The following PSD3 variants were observed in gnomAD, a reference collection of about 807,000 sequenced individuals.
PSD3 encodes the protein PH and SEC7 domain-containing protein 3.
PSD3 carries 49 observed loss-of-function variants against 105.5 expected under a neutral mutation model. The observed-to-expected ratio is 0.46, with a 90% CI of 0.37 to 0.59. The LOEUF is 0.59. PSD3 is among the 20% of genes least tolerant of loss of function. The pLI is 0.00. For synonymous variants in PSD3, 557 were observed against 457.8 expected (o/e 1.22, Z -2.77); for missense variants, 1,561 against 1,263.8 (o/e 1.24, Z -3.57).
At chr8:18,545,602 A>G (rs1264705030) in intron 15 of PSD3, among the ~76,000 whole-genome samples, 1 of 152,220 alleles carries the variant, frequency 6.6e-6, no homozygotes, top group Non-Finnish European at 1.5e-5. Context: ...CCTAAGGATA[A>G]AAGTTTGTCA....
chr8:18,822,660 A>G (rs1388837320), intron 4 of PSD3, among the ~76,000 whole-genome samples: 1 of 152,188 alleles, frequency 6.6e-6, no homozygotes, highest in Non-Finnish European at 1.5e-5. Context: ...GCAATTCCCA[A>G]CTATCTGCCT....
chr8:18,657,250 C>G (rs1191282795), intron 9 of PSD3, among the ~76,000 whole-genome samples: 1 of 143,122 alleles, frequency 7.0e-6, no homozygotes, highest in Non-Finnish European at 1.6e-5. Context: ...TGTAAGCAAA[C>G]AATGCACACC....
chr8:18,603,615 C>A (rs992491987), intron 11 of PSD3, among the ~76,000 whole-genome samples: 1 of 152,194 alleles, frequency 6.6e-6, no homozygotes, highest in Non-Finnish European at 1.5e-5. Context: ...GTGTTTAGAT[C>A]TGTGTGCCCA....
At chr8:18,808,877 C>G in intron 4 of PSD3, 1 of 1,586,950 alleles carries the variant, frequency 6.3e-7, no homozygotes, top group African/African-American at 1.4e-5. Context: ...TGCCGAGCCT[C>G]ACAGCCTTCC....
intron 1 of PSD3, among the ~76,000 whole-genome samples, chr8:19,013,251 C>A (rs867926073): frequency 1.3e-5 from 2 of 151,606 alleles, no homozygotes; most frequent in African/African-American, 4.9e-5. Context: ...AAAGAAAGAT[C>A]GGCATACGAG....
chr8:18,528,356 C>T lies in PSD3; in HGVS notation c.*7387G>A, dbSNP rs189964220. On this transcript the variant is annotated 3_prime_UTR_variant, in exon 16 of 16. Transcript: ENST00000327040. ...CGTCCGTAGTTAGAACTCAGGGTGC[C>T]AGTTTGTTTTTTGCAAAGGTAAAAT... 14 of 152,276 alleles carry T rather than the reference C, an allele frequency of 9.2e-5. No individual in the cohort carries two copies. In the East Asian group the frequency reaches 2.3e-3, roughly 25 times the overall value. 9.4% of individuals were successfully genotyped at this position (152,276 alleles called of 1,614,324 possible).
intron 9 of PSD3, among the ~76,000 whole-genome samples, chr8:18,731,264 A>AAAAAC (rs1387788087): frequency 6.6e-6 from 1 of 152,202 alleles, no homozygotes; most frequent in East Asian, 1.9e-4. Context: ...CTCAAAAACA[A>AAAAAC]AAAACAAAAA....
chr8:18,608,686 CCT>C (rs1805040050), intron 11 of PSD3, among the ~76,000 whole-genome samples: 1 of 152,032 alleles, frequency 6.6e-6, no homozygotes, highest in African/African-American at 2.4e-5. Flanking sequence ...CAGTATCACC[CCT>C]CTTTCATAAA....
chr8:19,064,010 G>A (rs539204459), intron 1 of PSD3, among the ~76,000 whole-genome samples: 92 of 152,088 alleles, frequency 6.0e-4, no homozygotes, highest in African/African-American at 2.1e-3. Flanking sequence ...GCGTGGTGGT[G>A]CACACCTGTA....
intron 2 of PSD3, among the ~76,000 whole-genome samples, chr8:18,880,179 T>G (rs1482815190): frequency 6.6e-6 from 1 of 152,206 alleles, no homozygotes; most frequent in Non-Finnish European, 1.5e-5. Flanking sequence ...AAATTGGGAC[T>G]ATATGCTAAG....
intron 8 of PSD3, among the ~76,000 whole-genome samples, chr8:18,773,822 T>G (rs1417995345): frequency 6.6e-6 from 1 of 152,222 alleles, no homozygotes; most frequent in Non-Finnish European, 1.5e-5. Context: ...AGTGATTCTG[T>G]GGAATCTGAA....
At chr8:18,847,898 T>C (rs544301118) in intron 4 of PSD3, among the ~76,000 whole-genome samples, 2 of 152,230 alleles carry the variant, frequency 1.3e-5, no homozygotes, top group South Asian at 4.1e-4. Flanking sequence ...ATCAGCAAGA[T>C]AGGATGTGGG....
At chr8:18,715,157 A>G (rs1327989700) in intron 9 of PSD3, among the ~76,000 whole-genome samples, 2 of 152,206 alleles carry the variant, frequency 1.3e-5, no homozygotes, top group Admixed American at 6.5e-5. Flanking sequence ...AACATCAGGA[A>G]AAATAGCTAA....
At chr8:18,567,638 A>C (rs1418361398) in intron 14 of PSD3, among the ~76,000 whole-genome samples, 1 of 152,204 alleles carries the variant, frequency 6.6e-6, no homozygotes, top group Non-Finnish European at 1.5e-5. Context: ...TCTTTCCTGA[A>C]ACCACAGATT....
chr8:19,069,393 G>C (rs1829180434), intron 1 of PSD3, among the ~76,000 whole-genome samples: 1 of 152,154 alleles, frequency 6.6e-6, no homozygotes, highest in Non-Finnish European at 1.5e-5. Context: ...AAAAGGAATA[G>C]AATTGGAAGA....
At chr8:18,609,813 A>C (rs1281286107) in intron 11 of PSD3, among the ~76,000 whole-genome samples, 1 of 152,204 alleles carries the variant, frequency 6.6e-6, no homozygotes, top group Non-Finnish European at 1.5e-5. Flanking sequence ...TCTTTTACAA[A>C]ATATCCTCAG....
intron 4 of PSD3, among the ~76,000 whole-genome samples, chr8:18,856,082 T>G (rs1282598730): frequency 6.6e-6 from 1 of 152,114 alleles, no homozygotes; most frequent in Non-Finnish European, 1.5e-5. Flanking sequence ...CCTTCTGCCA[T>G]AGTTCAGCTC....
At chr8:18,786,375 G>C (rs1320354691) in intron 8 of PSD3, among the ~76,000 whole-genome samples, 1 of 152,138 alleles carries the variant, frequency 6.6e-6, no homozygotes, top group African/African-American at 2.4e-5. Flanking sequence ...AGTAATAATT[G>C]TCATAATTCA....
At chr8:18,873,894 C>G (rs1002911703) in intron 2 of PSD3, among the ~76,000 whole-genome samples, 1 of 152,166 alleles carries the variant, frequency 6.6e-6, no homozygotes, top group Non-Finnish European at 1.5e-5. Flanking sequence ...TATATATTCA[C>G]TATATTGAAC....
Sources: allele counts gnomAD v4.1 joint callset (sites outside exome capture counted in the v4.1 genomes callset), GRCh38; gene constraint gnomAD v4.1.1; transcripts MANE v1.5; gene names NCBI Gene and HGNC (gene_info 2026-07-23, HGNC 2026-07-21).